RPS6KA2: variants seen among roughly 807,000 people sequenced by gnomAD.
The protein encoded by RPS6KA2 is ribosomal protein S6 kinase A2, also known as ribosomal protein S6 kinase alpha-2.
RPS6KA2 carries 42 observed loss-of-function variants against 91.8 expected under a neutral mutation model. The ratio of observed to expected loss-of-function variants is 0.46; its 90% CI spans 0.36 to 0.59. RPS6KA2 has a LOEUF of 0.59. Ranked by LOEUF, RPS6KA2 falls within the 20% of genes least tolerant of loss-of-function variation. RPS6KA2 has a pLI of 0.00. For missense variants in RPS6KA2, 798 were observed against 978.5 expected, an observed-to-expected ratio of 0.82 and a Z score of 2.46; for synonymous variants, 414 against 393.6, an observed-to-expected ratio of 1.05 and a Z score of -0.61.
intron 17 of RPS6KA2, 126 bp from the exon 18 acceptor site, chr6:166,420,084 G>A (rs917185792): frequency 2.4e-6 from 2 of 818,452 alleles, no homozygotes; most frequent in Non-Finnish European, 2.0e-6. Context: ...CCATGTCTTC[G>A]GTGTGACCAC....
chr6:166,853,582 G>A (rs1241996527), intron 2 of RPS6KA2, among the ~76,000 whole-genome samples: 4 of 151,756 alleles, frequency 2.6e-5, no homozygotes, highest in African/African-American at 4.8e-5. Context: ...GAGGCTGGCC[G>A]AGCGCAGCCG....
At chr6:166,749,894 C>T (rs73788116) in intron 2 of RPS6KA2, among the ~76,000 whole-genome samples, 2 of 150,958 alleles carry the variant, frequency 1.3e-5, no homozygotes, top group Admixed American at 1.3e-4. Context: ...CTTTCCACCA[C>T]ACAGACTAAG....
chr6:166,558,003 TG>T (rs1310786028), intron 1 of RPS6KA2, among the ~76,000 whole-genome samples: 1 of 152,060 alleles, frequency 6.6e-6, no homozygotes, highest in Non-Finnish European at 1.5e-5. Flanking sequence ...TATATGTATG[TG>T]TATATATAGG....
At chr6:166,633,097 G>A (rs1787134818) in intron 2 of RPS6KA2, among the ~76,000 whole-genome samples, 1 of 152,200 alleles carries the variant, frequency 6.6e-6, no homozygotes, top group Non-Finnish European at 1.5e-5. Context: ...GTGTGTGCCT[G>A]TGGTCCCAGC....
chr6:166,721,827 AGGAGCCGGTGCCAGCTCAGAGG>A (rs1790182915), intron 2 of RPS6KA2, among the ~76,000 whole-genome samples: 1 of 2,106 alleles, frequency 4.7e-4, no homozygotes, highest in Non-Finnish European at 7.6e-4. Context: ...AGCTCAGAGG[AGGAGCCGGTGCCAGCTCAGAGG>A]AGGAGCCGGT....
rs766129747 is a variant in RPS6KA2, at chr6:166,451,181, G to A, written c.1128C>T (p.Phe376=). The part of the protein sequence containing the change: ...SANAHHLFRG[F]SFVASSLIQE... ...GGATCAGGCTTGAGGCCACAAAGCT[G>A]AATCCTCTAAACAGGTGATGAGCGT... The change falls in exon 13 of 21, where the codon TTC becomes TTT. Residue 376 remains phenylalanine (F), a synonymous_variant. Coordinates refer to ENST00000265678, the MANE Select transcript of RPS6KA2 (RefSeq NM_021135.6). 1 of 1,614,140 alleles carries A rather than the reference G, an allele frequency of 6.2e-7. No individual in the cohort carries two copies. Among genetic ancestry groups the A allele is most frequent in the South Asian group, 1.1e-5 (1 of 91,072 alleles).
chr6:166,808,945 C>T lies in RPS6KA2; in HGVS notation c.123+49255G>A, dbSNP rs1027108904. ...GAAAAAACAGGGTACAGAGGCGAGACTTGACCTAGTAAATATAGACTGCAA... is the reference window on the plus strand; with the variant it reads ...GAAAAAACAGGGTACAGAGGCGAGATTTGACCTAGTAAATATAGACTGCAA... On this transcript the variant is annotated intron_variant, in intron 2 of 21. Transcript: ENST00000503859. 1.2e-4 allele frequency among the ~76,000 whole-genome samples: 18 copies of T among 152,200 alleles called. 1 individual carries two copies. In the South Asian group the frequency reaches 1.2e-3, roughly 11 times the overall value.
intron 2 of RPS6KA2, among the ~76,000 whole-genome samples, chr6:166,853,949 C>T (rs1289590923): frequency 3.3e-5 from 5 of 152,232 alleles, no homozygotes. Flanking sequence ...AGTCATTTTG[C>T]TTCTAGATTT....
At chr6:166,722,741 C>T (rs543568723) in intron 2 of RPS6KA2, among the ~76,000 whole-genome samples, 23 of 152,374 alleles carry the variant, frequency 1.5e-4, no homozygotes, top group Admixed American at 9.1e-4. Context: ...TGCTTCTCCA[C>T]GTGAAGCAAA....
chr6:166,521,701 T>C (rs1035941676), intron 3 of RPS6KA2, among the ~76,000 whole-genome samples: 1 of 152,160 alleles, frequency 6.6e-6, no homozygotes, highest in African/African-American at 2.4e-5. Flanking sequence ...GAGGAAACCA[T>C]ATGATTTGGA....
At chr6:166,485,894 T>C (rs1781391683) in intron 10 of RPS6KA2, among the ~76,000 whole-genome samples, 3 of 151,752 alleles carry the variant, frequency 2.0e-5, no homozygotes, top group Non-Finnish European at 2.9e-5. Context: ...CCTCAGGGGG[T>C]GAGGTCTTGC....
chr6:166,430,836 C>T (rs181095480), intron 15 of RPS6KA2, among the ~76,000 whole-genome samples: 27 of 152,300 alleles, frequency 1.8e-4, no homozygotes, highest in Admixed American at 7.8e-4. Context: ...TGCTGCTAAG[C>T]AGGGACTGAG....
At chr6:166,751,201 T>C (rs2095131248) in intron 2 of RPS6KA2, among the ~76,000 whole-genome samples, 1 of 152,218 alleles carries the variant, frequency 6.6e-6, no homozygotes, top group African/African-American at 2.4e-5. Flanking sequence ...TGCTCCTCCC[T>C]GAAACCTCAA....
At chr6:166,442,455 T>C (rs559742127) in intron 14 of RPS6KA2, among the ~76,000 whole-genome samples, 1 of 152,328 alleles carries the variant, frequency 6.6e-6, no homozygotes, top group South Asian at 2.1e-4. Flanking sequence ...TGTTCCCTCA[T>C]GGGGATAATG....
chr6:166,707,661 C>T (rs1433081964), intron 2 of RPS6KA2, among the ~76,000 whole-genome samples: 2 of 152,064 alleles, frequency 1.3e-5, no homozygotes, highest in South Asian at 4.1e-4. Context: ...AAACAAGTGA[C>T]CTAAAATGTA....
At chr6:166,484,846 G>A (rs1234758231) in intron 10 of RPS6KA2, among the ~76,000 whole-genome samples, 1 of 152,238 alleles carries the variant, frequency 6.6e-6, no homozygotes, top group Non-Finnish European at 1.5e-5. Flanking sequence ...GCAGCTAAAA[G>A]CAATTCCTAT....
rs3778406 is a variant in RPS6KA2, at chr6:166,546,320, C to A, written c.100-7536G>T. 3.3e-5 allele frequency among the ~76,000 whole-genome samples: 5 copies of A among 152,200 alleles called. No homozygotes were observed. The East Asian group carries it at 9.7e-4, about 29-fold the overall frequency. On this transcript the variant is annotated intron_variant, in intron 1 of 20. Transcript: ENST00000265678. ...TAGATGGGACCATTTCCGGTCTGGG[C>A]AGTGGGATGAGTGCCCAAAGGGGCT...
At chr6:166,809,051 T>G (rs1314104325) in intron 2 of RPS6KA2, among the ~76,000 whole-genome samples, 1 of 151,880 alleles carries the variant, frequency 6.6e-6, no homozygotes, top group Non-Finnish European at 1.5e-5. Context: ...TTAGCCAGAG[T>G]AGAAAGCTCA....
At chr6:166,668,959 C>T (rs1033038473) in intron 2 of RPS6KA2, among the ~76,000 whole-genome samples, 13 of 151,068 alleles carry the variant, frequency 8.6e-5, no homozygotes, top group Non-Finnish European at 1.8e-4. Flanking sequence ...GTGATCACCA[C>T]GGCTCCCTGT....
Sources: allele counts gnomAD v4.1 joint callset (sites outside exome capture counted in the v4.1 genomes callset), GRCh38; gene constraint gnomAD v4.1.1; transcripts MANE v1.5; gene names NCBI Gene and HGNC (gene_info 2026-07-23, HGNC 2026-07-21).